The following LMNTD1 variants were observed in gnomAD, a reference collection of about 807,000 sequenced individuals.
The protein encoded by LMNTD1 is lamin tail domain containing 1.
In LMNTD1, 35 loss-of-function variants were observed where a neutral mutation model predicts 50.9. That is an observed-to-expected ratio of 0.69 (90% CI 0.53 to 0.91). The LOEUF (loss-of-function observed/expected upper bound fraction) is 0.91, where lower values mean the gene tolerates loss of function less well. LMNTD1 is among the 40% of genes least tolerant of loss of function. The probability of loss-of-function intolerance (pLI) is 0.00; values close to 1 mark genes in which losing one functional copy is unlikely to be tolerated. For synonymous variants in LMNTD1, 153 were observed against 161.9 expected (o/e 0.94, Z 0.42); for missense variants, 470 against 475.5 (o/e 0.99, Z 0.11).
intron 1 of LMNTD1, among the ~76,000 whole-genome samples, chr12:25,633,009 C>A: frequency 6.9e-6 from 1 of 145,118 alleles, no homozygotes; most frequent in East Asian, 2.0e-4. Context: ...CAAAAGTGAG[C>A]AGGAGTAGCA....
At chr12:25,539,196 A>C (rs1208974502) in intron 4 of LMNTD1, among the ~76,000 whole-genome samples, 1 of 144,652 alleles carries the variant, frequency 6.9e-6, no homozygotes, top group Non-Finnish European at 1.5e-5. Flanking sequence ...ATACCCAGGA[A>C]TTGAACTCAG....
chr12:25,517,688 C>A, intron 8 of LMNTD1, among the ~76,000 whole-genome samples: 1 of 141,946 alleles, frequency 7.0e-6, no homozygotes, highest in African/African-American at 2.6e-5. Context: ...GCACATGTAC[C>A]CTAAAACTTA....
chr12:25,509,805 C>T lies in LMNTD1; in HGVS notation c.1190-6005G>A, dbSNP rs1027171492. ...ATGAAGACAGAGGCAGAAATTACAGCGATGGATCAACAAGCCAAGGAGTAT... is the reference window on the plus strand; with the variant it reads ...ATGAAGACAGAGGCAGAAATTACAGTGATGGATCAACAAGCCAAGGAGTAT... On this transcript the variant is annotated intron_variant, in intron 8 of 9. Transcript: ENST00000458174. Among the ~76,000 whole-genome samples, 11 of 152,216 alleles carry T rather than the reference C, an allele frequency of 7.2e-5. 1 individual carries two copies. In the South Asian group the frequency reaches 2.1e-3, roughly 29 times the overall value.
At chr12:25,595,656 C>T (rs1211036435) in intron 1 of LMNTD1, among the ~76,000 whole-genome samples, 1 of 152,014 alleles carries the variant, frequency 6.6e-6, no homozygotes. Flanking sequence ...AATCTAAGGT[C>T]ACACCTCAAG....
intron 1 of LMNTD1, among the ~76,000 whole-genome samples, chr12:25,642,750 T>C (rs1051800379): frequency 5.3e-5 from 8 of 152,244 alleles, no homozygotes; most frequent in African/African-American, 9.6e-5. Context: ...AAGAAAAGCA[T>C]GGAGAGCCTG....
chr12:25,625,388 C>T (rs1027052100), intron 1 of LMNTD1, among the ~76,000 whole-genome samples: 2 of 152,072 alleles, frequency 1.3e-5, no homozygotes, highest in Non-Finnish European at 1.5e-5. Context: ...AAGAACAGAA[C>T]GAGCTCTGAA....
intron 4 of LMNTD1, among the ~76,000 whole-genome samples, chr12:25,528,839 G>A (rs1023326529): frequency 2.6e-5 from 4 of 151,780 alleles, no homozygotes; most frequent in Non-Finnish European, 5.9e-5. Context: ...TCTCCCTCTG[G>A]ACTACCTATT....
intron 1 of LMNTD1, among the ~76,000 whole-genome samples, chr12:25,561,454 G>T (rs1944319427): frequency 6.6e-6 from 1 of 152,178 alleles, no homozygotes; most frequent in Non-Finnish European, 1.5e-5. Context: ...GAGCAGTTTT[G>T]AGTGAGTTTC....
At chr12:25,630,373 A>T (rs1327818575) in intron 1 of LMNTD1, among the ~76,000 whole-genome samples, 1 of 152,120 alleles carries the variant, frequency 6.6e-6, no homozygotes, top group East Asian at 1.9e-4. Flanking sequence ...GGAGGTTCGC[A>T]TTGTGAATTT....
chr12:25,481,864 T>TAC (rs1938455003), intron 9 of LMNTD1, among the ~76,000 whole-genome samples: 3 of 82,444 alleles, frequency 3.6e-5, no homozygotes, highest in Non-Finnish European at 5.2e-5. Context: ...ATATTGCCTC[T>TAC]TCACACACAC....
At chr12:25,633,128 C>T (rs7969343) in intron 1 of LMNTD1, among the ~76,000 whole-genome samples, 17,798 of 151,728 alleles carry the variant, frequency 0.12, 1,601 homozygotes, top group African/African-American at 0.24. Context: ...GAAAATATCA[C>T]GATCCTAAAC....
intron 4 of LMNTD1, among the ~76,000 whole-genome samples, chr12:25,539,608 C>T (rs1188159140): frequency 6.6e-6 from 1 of 151,398 alleles, no homozygotes; most frequent in Non-Finnish European, 1.5e-5. Flanking sequence ...ACTAAATGCC[C>T]ACAAGAGAAA....
At chr12:25,527,682 A>ATG in intron 4 of LMNTD1, among the ~76,000 whole-genome samples, 1 of 18,378 alleles carries the variant, frequency 5.4e-5, no homozygotes, top group African/African-American at 2.0e-4. Flanking sequence ...ATATATATAT[A>ATG]CACACACACA....
chr12:25,586,709 A>C (rs1373157188), intron 1 of LMNTD1, among the ~76,000 whole-genome samples: 2 of 152,224 alleles, frequency 1.3e-5, no homozygotes, highest in East Asian at 1.9e-4. Flanking sequence ...TGGGGCTGAC[A>C]TGACAACCAA....
intron 1 of LMNTD1, among the ~76,000 whole-genome samples, chr12:25,572,221 T>C (rs534755572): frequency 2.6e-5 from 4 of 152,228 alleles, no homozygotes; most frequent in African/African-American, 9.7e-5. Flanking sequence ...CATCTATTAT[T>C]TAATCATCCA....
At chr12:25,510,938 C>T (rs1940227840) in intron 8 of LMNTD1, among the ~76,000 whole-genome samples, 1 of 152,072 alleles carries the variant, frequency 6.6e-6, no homozygotes. Context: ...AAATGCTTTG[C>T]TTGGTGAGTG....
intron 9 of LMNTD1, among the ~76,000 whole-genome samples, chr12:25,480,916 A>G (rs1591814499): frequency 6.6e-6 from 1 of 152,216 alleles, no homozygotes; most frequent in East Asian, 1.9e-4. Flanking sequence ...ACTGAGGCCT[A>G]TACTATTCCG....
chr12:25,532,197 A>G (rs1270570744), intron 4 of LMNTD1, among the ~76,000 whole-genome samples: 1 of 152,116 alleles, frequency 6.6e-6, no homozygotes. Flanking sequence ...GCCTAGTATT[A>G]CAGAGAAAAA....
chr12:25,501,508 T>G (rs1240988553), intron 9 of LMNTD1, among the ~76,000 whole-genome samples: 2 of 152,170 alleles, frequency 1.3e-5, no homozygotes, highest in Non-Finnish European at 2.9e-5. Flanking sequence ...AAAGACAATC[T>G]TAAAGGTTAA....
Sources: gnomAD v4.1 joint callset for allele counts (sites outside exome capture counted in the v4.1 genomes callset) on GRCh38, gnomAD v4.1.1 for gene constraint, MANE v1.5 for transcripts, NCBI Gene and HGNC (gene_info 2026-07-23, HGNC 2026-07-21) for gene names.